PRR36: variants seen among roughly 807,000 people sequenced by gnomAD.
PRR36 encodes proline-rich protein 36.
Under a neutral mutation model 58.6 loss-of-function variants are expected in PRR36, and 30 were observed. That is an observed-to-expected ratio of 0.51 (90% CI 0.38 to 0.69). The LOEUF is 0.69. PRR36 is among the 30% of genes least tolerant of loss of function. PRR36 has a pLI of 0.00. For missense variants in PRR36, 1,692 were observed against 1,805.6 expected, an observed-to-expected ratio of 0.94 and a Z score of 1.14; for synonymous variants, 771 against 829.3, an observed-to-expected ratio of 0.93 and a Z score of 1.21.
chr19:7,869,572 TG>T, intron 5 of PRR36, 28 bp from the exon 6 acceptor site: 1 of 1,512,536 alleles, frequency 6.6e-7, no homozygotes, highest in Non-Finnish European at 8.8e-7. Context: ...AGGTGGGCCG[TG>T]GGGGTGATAA....
In PRR36 at chr19:7,870,248, G is replaced by C; in HGVS notation, c.2996C>G (p.Pro999Arg). Residue 999 changes from proline (P) to arginine (R), a missense_variant, in exon 5 of 6, where the codon CCA (proline) becomes CGA (arginine). Coordinates refer to ENST00000618550, the MANE Select transcript of PRR36 (RefSeq NM_001190467.2). ...AGGGGGCTTAGCCAAAGGAGACATT[G>C]GGAGTGAGGCAGGGGGAGAGGGCGG... ...QVPPSPPASLPMSPLAKPPPQ... is the reference protein window; with the variant it reads ...QVPPSPPASLRMSPLAKPPPQ... 7.1e-7 allele frequency: 1 copy of C among 1,403,328 alleles called. No homozygotes were observed. The highest frequency in any genetic ancestry group is 9.2e-7 in the Non-Finnish European group (1 of 1,086,082). 86.9% of individuals were successfully genotyped at this position (1,403,328 alleles called of 1,614,324 possible). A position where few individuals can be genotyped will look rare whatever the true frequency, so the allele number is the denominator to read the frequency against.
Position 7,873,808 on chromosome 19 carries a change from C to G in PRR36, c.-7-112G>C, listed in dbSNP as rs1203313965. 6 of 1,100,678 alleles carry G rather than the reference C, an allele frequency of 5.5e-6. No homozygotes were observed. The Admixed American group carries it at 1.1e-4, about 20-fold the overall frequency. 68.2% of individuals were successfully genotyped at this position (1,100,678 alleles called of 1,614,324 possible). On this transcript the variant is annotated intron_variant, in intron 1 of 5. Transcript: ENST00000618550. The surrounding 1 kb of genome is among the most constrained non-coding windows in gnomAD (Gnocchi z 5.0). ...CGCAGCATCGCCACCCATGGACACT[C>G]AAACCTCGGCCTCGGCTTCCATCCG...
intron 5 of PRR36, 46 bp from the exon 6 acceptor site, chr19:7,869,590 C>T: frequency 6.7e-7 from 1 of 1,499,212 alleles, no homozygotes; most frequent in Non-Finnish European, 8.8e-7. Flanking sequence ...ATAAGCCCCG[C>T]CCCTGCCTCA....
rs1980524207 is a variant in PRR36, at chr19:7,872,718, TGGCCGGGGACGGGGTTCCTGG to T, written c.505_525del (p.Pro169_Ala175del). ...CCCGCAGCCCGGGACCGACGGGCCA[TGGCCGGGGACGGGGTTCCTGG>T]GGTAGGCCCGGAAGTGTCTGGAGAA... On this transcript the variant is annotated inframe_deletion, in exon 5 of 6. Transcript: ENST00000618550. This position sits in a 1 kb window ranked among gnomAD's most constrained non-coding sequence, Gnocchi z 6.1. The T allele has an allele frequency of 6.9e-7, 1 of 1,447,232 alleles. No individual in the cohort carries two copies. The highest frequency in any genetic ancestry group is 2.5e-5 in the East Asian group (1 of 39,676). The allele number at this position is 1,447,232 out of a possible 1,614,324, so 89.6% of individuals were successfully genotyped here.
At position 7,872,671 on chromosome 19, in the gene PRR36, C is replaced by T; in HGVS notation, c.573G>A (p.Arg191=). The change falls in exon 5 of 6, where the codon CGG becomes CGA. Residue 191 remains arginine (R), a synonymous_variant. Transcript: ENST00000618550. The surrounding 1 kb of genome is among the most constrained non-coding windows in gnomAD (Gnocchi z 6.1). ...GCCGTGGCCGGGCACTCGGAGCTGGCCGGGGGAGCCCCACCTCGGTGCCCG... is the reference window on the plus strand; with the variant it reads ...GCCGTGGCCGGGCACTCGGAGCTGGTCGGGGGAGCCCCACCTCGGTGCCCG... ...RAAGTEVGLP[R]PAPSARPRPP... is the part of the protein sequence containing the mutation. 1 of 1,455,686 alleles carries T rather than the reference C, an allele frequency of 6.9e-7. No homozygotes were observed. The highest frequency in any genetic ancestry group is 9.0e-7 in the Non-Finnish European group (1 of 1,109,732). The allele number at this position is 1,455,686 out of a possible 1,614,324, so 90.2% of individuals were successfully genotyped here.
At position 7,873,598 on chromosome 19, in the gene PRR36, C is replaced by T. The variant is rs1420477442; in HGVS notation, c.92G>A (p.Gly31Asp). The T allele has an allele frequency of 1.3e-6, 2 of 1,533,708 alleles. No homozygotes were observed. The highest frequency in any genetic ancestry group is 2.5e-5 in the East Asian group (1 of 40,804). ...TACTGGGGGAGGGGGTCGAGGAGAGCCTGGGGGCCTGGGGGTCAGAAGTCC... is the reference window on the plus strand; with the variant it reads ...TACTGGGGGAGGGGGTCGAGGAGAGTCTGGGGGCCTGGGGGTCAGAAGTCC... ...APGLLTPRPP[G>D]SPRPPPPVTP... The change falls in exon 2 of 6, where the codon GGC (glycine) becomes GAC (aspartate). Residue 31 changes from glycine (G) to aspartate (D), a missense_variant. Coordinates refer to ENST00000618550, the MANE Select transcript of PRR36 (RefSeq NM_001190467.2). The surrounding 1 kb of genome is among the most constrained non-coding windows in gnomAD (Gnocchi z 5.0).
Position 7,870,584 on chromosome 19 carries a change from A to T in PRR36, c.2660T>A (p.Phe887Tyr). 1 of 916,162 alleles carries T rather than the reference A, an allele frequency of 1.1e-6. No individual in the cohort carries two copies. The highest frequency in any genetic ancestry group is 1.3e-6 in the Non-Finnish European group (1 of 788,414). 56.8% of individuals were successfully genotyped at this position (916,162 alleles called of 1,614,324 possible). Residue 887 changes from phenylalanine (F) to tyrosine (Y), a missense_variant, in exon 5 of 6, where the codon TTC (phenylalanine) becomes TAC (tyrosine). Phe to Tyr is a conservative substitution (Grantham distance 22, BLOSUM62 3). Transcript: ENST00000618550. ...ALAVHLLQAP[F>Y]SPPPSPPVQA... ...CACTGGGGGTGAGGGAGGGGGAGAG[A>T]AAGGGGCCTGCAGAAGGTGCACTGC...
chr19:7,871,092 C>T lies in PRR36; in HGVS notation c.2152G>A (p.Ala718Thr). 6.5e-7 allele frequency: 1 copy of T among 1,531,046 alleles called. No homozygotes were observed. Among genetic ancestry groups the T allele is most frequent in the Non-Finnish European group, 8.7e-7 (1 of 1,144,656 alleles). 94.8% of individuals were successfully genotyped at this position (1,531,046 alleles called of 1,614,324 possible). Residue 718 changes from alanine to threonine, a missense_variant, in exon 5 of 6, where the codon GCC becomes ACC. Transcript: ENST00000618550. ...GGAGGTGTCTGCAGAGAGGGTGGGG[C>T]TAGGGAAGATTGGGTCTCCAGAGGG... The part of the protein sequence containing the change: ...MPPLETQSSL[A>T]PPSLQTPPAS...
In PRR36 at chr19:7,873,054, C is replaced by T; in HGVS notation, c.375-93G>A. On this transcript the variant is annotated intron_variant, in intron 3 of 5. Coordinates refer to ENST00000618550, the MANE Select transcript of PRR36 (RefSeq NM_001190467.2). This position sits in a 1 kb window ranked among gnomAD's most constrained non-coding sequence, Gnocchi z 5.0. ...TCTGTGAAATGGGCATGTGCCCTCT[C>T]TGAGGACCAATAATGGCTTTCACCC... 1 of 1,336,906 alleles carries T rather than the reference C, an allele frequency of 7.5e-7. No homozygotes were observed. Among genetic ancestry groups the T allele is most frequent in the Admixed American group, 2.1e-5 (1 of 48,356 alleles). 82.8% of individuals were successfully genotyped at this position (1,336,906 alleles called of 1,614,324 possible). A position where few individuals can be genotyped will look rare whatever the true frequency, so the allele number is the denominator to read the frequency against.
chr19:7,869,939 G>T lies in PRR36; in HGVS notation c.3305C>A (p.Pro1102Gln). 1 of 1,367,276 alleles carries T rather than the reference G, an allele frequency of 7.3e-7. No individual in the cohort carries two copies. Among genetic ancestry groups the T allele is most frequent in the Non-Finnish European group, 9.4e-7 (1 of 1,067,448 alleles). The allele number at this position is 1,367,276 out of a possible 1,614,324, so 84.7% of individuals were successfully genotyped here. Residue 1102 changes from proline (P) to glutamine (Q), a missense_variant, in exon 5 of 6, where the codon CCG becomes CAG. By Grantham distance (76) the Pro-to-Gln change is moderately conservative. Transcript: ENST00000618550. ...CGGGCTGCGCGAGGGCGGCGGCGGC[G>T]GGCCGGGGGCCAACGCCAGGGTCAG... Reference protein sequence around the residue: ...PRLTLALAPGPPPPPSRSPSS... With the variant: ...PRLTLALAPGQPPPPSRSPSS...
At position 7,873,740 on chromosome 19, in the gene PRR36, C is replaced by A; in HGVS notation, c.-7-44G>T. The A allele has an allele frequency of 6.6e-7, 1 of 1,508,720 alleles. No individual in the cohort carries two copies. The highest frequency in any genetic ancestry group is 1.2e-5 in the South Asian group (1 of 81,502). 93.5% of individuals were successfully genotyped at this position (1,508,720 alleles called of 1,614,324 possible). A position where few individuals can be genotyped will look rare whatever the true frequency, so the allele number is the denominator to read the frequency against. On this transcript the variant is annotated intron_variant, in intron 1 of 5. Coordinates refer to ENST00000618550, the MANE Select transcript of PRR36 (RefSeq NM_001190467.2). The surrounding 1 kb of genome is among the most constrained non-coding windows in gnomAD (Gnocchi z 5.0). ...CCGCATCCCAGGTTCTGGACAGCTACGCCGCCTCCAGAGACCTGGACCCTG... is the reference window on the plus strand; with the variant it reads ...CCGCATCCCAGGTTCTGGACAGCTAAGCCGCCTCCAGAGACCTGGACCCTG...
rs1471318337 is a variant in PRR36, at chr19:7,869,532, G to A, written c.3542C>T (p.Pro1181Leu). 14 of 1,517,902 alleles carry A rather than the reference G, an allele frequency of 9.2e-6. No individual in the cohort carries two copies. The highest frequency in any genetic ancestry group is 2.0e-5 in the Admixed American group (1 of 50,208). 94.0% of individuals were successfully genotyped at this position (1,517,902 alleles called of 1,614,324 possible). The change falls in exon 6 of 6, where the codon CCG becomes CTG. Residue 1181 changes from proline to leucine, a missense_variant. By Grantham distance (98) the Pro-to-Leu change is moderately conservative. Transcript: ENST00000618550. The stretch of plus-strand genomic sequence containing the variant: ...GCCCGGTCCGGTAGCGGGAGGCCAC[G>A]GCAGGGGCGCACCTGCGGGGAGAGA... ...AFRGAPGAPL[P>L]WPPATGPGSA...
In PRR36 at chr19:7,872,254, C is replaced by T. The variant is rs1030119258; in HGVS notation, c.990G>A (p.Thr330=). The part of the protein sequence containing the change: ...PDNAATPLPA[T]LPPSPPVTPP... The stretch of plus-strand genomic sequence containing the variant: ...GCGTTACCGGTGGAGAGGGAGGGAG[C>T]GTGGCTGGCAGGGGAGTGGCTGCAT... The change falls in exon 5 of 6, where the codon ACG becomes ACA. Residue 330 remains threonine (T), a synonymous_variant. Coordinates refer to ENST00000618550, the MANE Select transcript of PRR36 (RefSeq NM_001190467.2). This position sits in a 1 kb window ranked among gnomAD's most constrained non-coding sequence, Gnocchi z 6.1. 3 of 1,454,896 alleles carry T rather than the reference C, an allele frequency of 2.1e-6. No homozygotes were observed. Among genetic ancestry groups the T allele is most frequent in the Admixed American group, 2.6e-5 (1 of 37,808 alleles). 90.1% of individuals were successfully genotyped at this position (1,454,896 alleles called of 1,614,324 possible).
rs1980546631 is a variant in PRR36, at chr19:7,873,225, T to G, written c.346A>C (p.Ser116Arg). ...AKNTSPGPVS[S>R]PGRASGTTRP... ...GTGGTCCCGCTGGCACGCCCTGGGC[T>G]AGAAACAGGGCCTGGGCTGGTGTTC... Residue 116 changes from serine (S) to arginine (R), a missense_variant, in exon 3 of 6, where the codon AGC becomes CGC. This residue lies in a region of PRR36 where 975 missense variants were observed against 955.2 expected (regional missense o/e 1.02). Coordinates refer to ENST00000618550, the MANE Select transcript of PRR36 (RefSeq NM_001190467.2). The surrounding 1 kb of genome is among the most constrained non-coding windows in gnomAD (Gnocchi z 5.0). The G allele has an allele frequency of 2.0e-6, 3 of 1,536,020 alleles. No individual in the cohort carries two copies. Among genetic ancestry groups the G allele is most frequent in the Non-Finnish European group, 2.6e-6 (3 of 1,146,850 alleles).
Position 7,869,733 on chromosome 19 carries a change from C to T in PRR36, c.3511G>A (p.Ala1171Thr). Residue 1171 changes from alanine to threonine, a missense_variant, in exon 5 of 6, where the codon GCT (alanine) becomes ACT (threonine). By Grantham distance (58) the Ala-to-Thr change is moderately conservative. Coordinates refer to ENST00000618550, the MANE Select transcript of PRR36 (RefSeq NM_001190467.2). ...AWSRGPAPPL[A>T]FRGAPGAPLP... ...CCCTTACCTGGGGCTCCGCGGAAAG[C>T]CAGCGGCGGAGCGGGGCCTCGACTC... The T allele has an allele frequency of 7.4e-7, 1 of 1,346,078 alleles. No homozygotes were observed. Among genetic ancestry groups the T allele is most frequent in the Non-Finnish European group, 9.5e-7 (1 of 1,053,254 alleles). 83.4% of individuals were successfully genotyped at this position (1,346,078 alleles called of 1,614,324 possible).
rs1295839441 is a variant in PRR36 at position 7,869,235 on chromosome 19, C to T, written c.3839G>A (p.Gly1280Asp). Reference sequence around the variant, plus strand: ...GCCACCACCCTCCGCACCTCCTGGGCCCCCGCCGCTGCCGCCCGCGGCACC... The same window carrying T: ...GCCACCACCCTCCGCACCTCCTGGGTCCCCGCCGCTGCCGCCCGCGGCACC... Reference protein sequence around the residue: ...AEGAAGGSGGGPGGAEGGGVT... With the variant: ...AEGAAGGSGGDPGGAEGGGVT... Residue 1280 changes from glycine to aspartate, a missense_variant, in exon 6 of 6, where the codon GGC becomes GAC. By Grantham distance (94) the Gly-to-Asp change is moderately conservative (BLOSUM62 -1). This residue lies in a region of PRR36 where 485 missense variants were observed against 549.2 expected (regional missense o/e 0.88). Transcript: ENST00000618550. 8.0e-6 allele frequency: 12 copies of T among 1,497,444 alleles called. No individual in the cohort carries two copies. Among genetic ancestry groups the T allele is most frequent in the African/African-American group, 1.4e-5 (1 of 69,198 alleles). The allele number at this position is 1,497,444 out of a possible 1,614,324, so 92.8% of individuals were successfully genotyped here.
rs1357270405 is a variant in PRR36, at chr19:7,872,185, C to A, written c.1059G>T (p.Leu353=). The A allele has an allele frequency of 5.5e-6, 8 of 1,442,084 alleles. No homozygotes were observed. The highest frequency in any genetic ancestry group is 1.4e-5 in the African/African-American group (1 of 69,008). 89.3% of individuals were successfully genotyped at this position (1,442,084 alleles called of 1,614,324 possible). Residue 353 remains leucine (L), a synonymous_variant, in exon 5 of 6, where the codon CTG becomes CTT. Transcript: ENST00000618550. This position sits in a 1 kb window ranked among gnomAD's most constrained non-coding sequence, Gnocchi z 6.1. ...GGCTCGACGAGTGGGGCGTGGCCGG[C>A]AGGGTGGGCGGGGCCTGACTTTGGA... ...AALQSQAPPT[L]PATPHSSSLT...
rs1486011478 is a variant in PRR36 at position 7,869,988 on chromosome 19, C to A, written c.3256G>T (p.Asp1086Tyr). 47 of 1,402,678 alleles carry A rather than the reference C, an allele frequency of 3.4e-5. No individual in the cohort carries two copies. The highest frequency in any genetic ancestry group is 4.1e-5 in the Non-Finnish European group (45 of 1,085,786). 86.9% of individuals were successfully genotyped at this position (1,402,678 alleles called of 1,614,324 possible). ...AGCCGTGGGCCCGAGACGGAGGTAT[C>A]CGGACCCGGGGTCGGGGGGCGGCGT... Reference protein sequence around the residue: ...APRRPPTPGPDTSVSGPRLTL... With the variant: ...APRRPPTPGPYTSVSGPRLTL... Residue 1086 changes from aspartate to tyrosine, a missense_variant, in exon 5 of 6, where the codon GAT becomes TAT. Around this residue, in one of 5 missense-constraint regions of PRR36, gnomAD observed 485 missense variants for 549.2 expected, o/e 0.88. Coordinates refer to ENST00000618550, the MANE Select transcript of PRR36 (RefSeq NM_001190467.2).
rs1171795887 is a variant in PRR36, at chr19:7,872,422, C to G, written c.822G>C (p.Pro274=). Residue 274 remains proline (P), a synonymous_variant, in exon 5 of 6, where the codon CCG becomes CCC. Transcript: ENST00000618550. This position sits in a 1 kb window ranked among gnomAD's most constrained non-coding sequence, Gnocchi z 6.1. The part of the protein sequence containing the change: ...RAPAHPSQPK[P]KGLQALRPPQ... ...GGGGTCGCAGAGCCTGCAGTCCTTTCGGCTTGGGCTGCGAGGGATGCGCAG... is the reference window on the plus strand; with the variant it reads ...GGGGTCGCAGAGCCTGCAGTCCTTTGGGCTTGGGCTGCGAGGGATGCGCAG... 2 of 1,450,842 alleles carry G rather than the reference C, an allele frequency of 1.4e-6. No homozygotes were observed. Among genetic ancestry groups the G allele is most frequent in the Non-Finnish European group, 9.0e-7 (1 of 1,107,870 alleles). The allele number at this position is 1,450,842 out of a possible 1,614,324, so 89.9% of individuals were successfully genotyped here. A position where few individuals can be genotyped will look rare whatever the true frequency, so the allele number is the denominator to read the frequency against.
Sources: gnomAD v4.1 joint callset for allele counts on GRCh38, gnomAD v4.1.1 for gene constraint, gnomAD v4.1.1 regional missense constraint, Gnocchi (gnomAD v3.1) non-coding constraint, MANE v1.5 for transcripts, NCBI Gene and HGNC (gene_info 2026-07-23, HGNC 2026-07-21) for gene names.